The following CSMD1 variants were observed in gnomAD, a reference collection of about 807,000 sequenced individuals.
CSMD1 encodes the protein CUB and Sushi multiple domains 1, also known as CUB and sushi domain-containing protein 1.
A neutral mutation model predicts 417.5 loss-of-function variants in CSMD1; 213 were observed. The observed-to-expected ratio is 0.51, with a 90% CI of 0.46 to 0.57. The LOEUF is 0.57. Among genes scored for constraint, CSMD1 ranks in the 20% least tolerant of loss-of-function variants. CSMD1 has a pLI of 0.00. For synonymous variants in CSMD1, 2,862 were observed against 1,736.8 expected (o/e 1.65, Z -16.11); for missense variants, 6,923 against 4,529.7 (o/e 1.53, Z -15.17).
intron 10 of CSMD1, among the ~76,000 whole-genome samples, chr8:3,522,246 C>T (rs531959290): frequency 6.6e-6 from 1 of 152,106 alleles, no homozygotes; most frequent in East Asian, 1.9e-4. Flanking sequence ...TATGATATTA[C>T]TTTGAAAACA....
chr8:4,499,918 G>C (rs1023186097), intron 2 of CSMD1, among the ~76,000 whole-genome samples: 3 of 152,172 alleles, frequency 2.0e-5, no homozygotes, highest in African/African-American at 7.2e-5. Context: ...TGATGGCTGA[G>C]ATGTGAGAAT....
chr8:4,484,396 G>A (rs957959123), intron 2 of CSMD1, among the ~76,000 whole-genome samples: 7 of 152,036 alleles, frequency 4.6e-5, no homozygotes, highest in South Asian at 2.1e-4. Context: ...TCTCATTCAC[G>A]AACTATATCA....
chr8:3,984,747 ATATATTTG>A (rs1563284930), intron 5 of CSMD1, among the ~76,000 whole-genome samples: 12 of 72,064 alleles, frequency 1.7e-4, no homozygotes, highest in South Asian at 4.0e-4. Flanking sequence ...ATATATATAT[ATATATTTG>A]TATGTATTTG....
chr8:2,956,633 T>C (rs1405446509), intron 63 of CSMD1, among the ~76,000 whole-genome samples: 2 of 151,918 alleles, frequency 1.3e-5, no homozygotes, highest in African/African-American at 2.4e-5. Flanking sequence ...TTTTGTAGTT[T>C]TTTTAGTAGA....
chr8:3,228,997 C>G (rs1798673453), intron 27 of CSMD1, among the ~76,000 whole-genome samples: 2 of 152,120 alleles, frequency 1.3e-5, no homozygotes, highest in South Asian at 4.1e-4. Flanking sequence ...TGCTCCCCGA[C>G]AAGGCTGAGA....
chr8:3,221,627 G>A (rs1798222195), intron 28 of CSMD1, among the ~76,000 whole-genome samples: 2 of 151,866 alleles, frequency 1.3e-5, no homozygotes, highest in Admixed American at 6.6e-5. Flanking sequence ...GAAGTCTGGA[G>A]TGAAATTTAT....
At chr8:3,423,034 CA>C (rs1813595571) in intron 12 of CSMD1, among the ~76,000 whole-genome samples, 1 of 152,186 alleles carries the variant, frequency 6.6e-6, no homozygotes, top group African/African-American at 2.4e-5. Flanking sequence ...CAAACACCAG[CA>C]CCAGCTAGTC....
intron 51 of CSMD1, among the ~76,000 whole-genome samples, chr8:3,022,929 A>G (rs1809557588): frequency 6.6e-6 from 1 of 152,204 alleles, no homozygotes; most frequent in African/African-American, 2.4e-5. Flanking sequence ...GCACAAAGTA[A>G]AAATGTTCAA....
intron 5 of CSMD1, among the ~76,000 whole-genome samples, chr8:3,796,231 C>CATAGATATAGATATATATCTATCATGT (rs1585012753): frequency 2.1e-4 from 4 of 19,010 alleles, no homozygotes; most frequent in East Asian, 1.6e-3. Context: ...ATATATCTAT[C>CATAGATATAGATATATATCTATCATGT]ATAGATATAG....
intron 49 of CSMD1, among the ~76,000 whole-genome samples, chr8:3,054,076 C>A (rs934449679): frequency 5.3e-5 from 8 of 152,168 alleles, no homozygotes; most frequent in Admixed American, 1.3e-4. Context: ...GGCCAGAGAG[C>A]AAATCTTATG....
At chr8:4,069,664 T>C (rs894422491) in intron 3 of CSMD1, among the ~76,000 whole-genome samples, 2 of 152,242 alleles carry the variant, frequency 1.3e-5, no homozygotes, top group Admixed American at 1.3e-4. Flanking sequence ...ATGGCTCCTG[T>C]TTCTCCGACT....
At chr8:3,615,164 A>G (rs1045776424) in intron 8 of CSMD1, among the ~76,000 whole-genome samples, 7 of 152,118 alleles carry the variant, frequency 4.6e-5, no homozygotes, top group African/African-American at 1.7e-4. Context: ...CTGCATTGCT[A>G]ATAACTGTTC....
chr8:4,103,339 A>C (rs191380097), intron 3 of CSMD1, among the ~76,000 whole-genome samples: 47 of 151,644 alleles, frequency 3.1e-4, no homozygotes, highest in East Asian at 1.2e-3. Flanking sequence ...TCCAGAGTAG[A>C]AAAAAGTTGG....
At chr8:4,675,562 G>C (rs545323041) in intron 1 of CSMD1, among the ~76,000 whole-genome samples, 2 of 152,128 alleles carry the variant, frequency 1.3e-5, no homozygotes, top group Non-Finnish European at 2.9e-5. Flanking sequence ...TCAATGTAGA[G>C]ACAATAAAGG....
chr8:4,859,795 C>T (rs1305790388), intron 1 of CSMD1, among the ~76,000 whole-genome samples: 2 of 152,028 alleles, frequency 1.3e-5, no homozygotes, highest in Non-Finnish European at 2.9e-5. Context: ...AATAGGAACA[C>T]TTTGACACTG....
chr8:3,350,888 C>G (rs919143755), intron 21 of CSMD1, among the ~76,000 whole-genome samples: 1 of 152,046 alleles, frequency 6.6e-6, no homozygotes, highest in Admixed American at 6.6e-5. Flanking sequence ...ATGGTAGTAA[C>G]TAAGTTCAAG....
At chr8:3,323,793 C>G (rs549352423) in intron 23 of CSMD1, among the ~76,000 whole-genome samples, 28 of 138,178 alleles carry the variant, frequency 2.0e-4, no homozygotes, top group African/African-American at 7.2e-4. Context: ...CATCCAACCC[C>G]AGAGACCCAG....
At chr8:3,705,801 C>T (rs1214484698) in intron 7 of CSMD1, among the ~76,000 whole-genome samples, 2 of 152,132 alleles carry the variant, frequency 1.3e-5, no homozygotes, top group Non-Finnish European at 2.9e-5. Flanking sequence ...GAACCCAGAT[C>T]TTGGGGTGAA....
chr8:4,391,302 T>C (rs113232015), intron 3 of CSMD1, among the ~76,000 whole-genome samples: 12 of 152,232 alleles, frequency 7.9e-5, no homozygotes, highest in African/African-American at 2.9e-4. Flanking sequence ...CCCTTTCTTC[T>C]CTTAAGACAT....
Sources: gnomAD v4.1 joint callset for allele counts (sites outside exome capture counted in the v4.1 genomes callset) on GRCh38, gnomAD v4.1.1 for gene constraint, MANE v1.5 for transcripts, NCBI Gene and HGNC (gene_info 2026-07-23, HGNC 2026-07-21) for gene names.